The following TNR variants were observed in gnomAD, a reference collection of about 807,000 sequenced individuals.
TNR encodes tenascin R.
A neutral mutation model predicts 150.4 loss-of-function variants in TNR; 45 were observed. The observed-to-expected ratio is 0.30, with a 90% CI of 0.24 to 0.38. The LOEUF (loss-of-function observed/expected upper bound fraction) is 0.38, where lower values mean the gene tolerates loss of function less well. TNR is among the 10% of genes least tolerant of loss of function. The pLI, the probability that TNR is intolerant of heterozygous loss-of-function variation, is 1.00. For missense variants in TNR, 1,544 were observed against 1,759.1 expected, an observed-to-expected ratio of 0.88 and a Z score of 2.19; for synonymous variants, 687 against 678.4, an observed-to-expected ratio of 1.01 and a Z score of -0.20.
chr1:175,435,912 G>C (rs1167590221), intron 2 of TNR, among the ~76,000 whole-genome samples: 6 of 152,158 alleles, frequency 3.9e-5, no homozygotes, highest in Non-Finnish European at 4.4e-5. Context: ...AGTTTGGCTG[G>C]ATATGAAATT....
intron 20 of TNR, among the ~76,000 whole-genome samples, chr1:175,333,992 G>A (rs1322345771): frequency 6.6e-6 from 1 of 152,210 alleles, no homozygotes; most frequent in Non-Finnish European, 1.5e-5. Context: ...GAGCAGGTGA[G>A]GTACTTAGGG....
In TNR at chr1:175,386,206, G is replaced by C; in HGVS notation, c.1603C>G (p.Leu535Val). 1 of 1,611,992 alleles carries C rather than the reference G, an allele frequency of 6.2e-7. No homozygotes were observed. Among genetic ancestry groups the C allele is most frequent in the Non-Finnish European group, 8.5e-7 (1 of 1,178,496 alleles). ...CCGCCCACCAGGCCATATTTCAAAA[G>C]AATGAAATCGACTTTGGCTCGAGGG... ...IPPRAKVDFI[L>V]LKYGLVGGEG... The change falls in exon 8 of 23, where the codon CTT (leucine) becomes GTT (valine). Residue 535 changes from leucine (L) to valine (V), a missense_variant. Physicochemically the swap from Leu to Val is conservative, Grantham distance 32. Coordinates refer to ENST00000367674, the MANE Select transcript of TNR (RefSeq NM_003285.3).
intron 1 of TNR, among the ~76,000 whole-genome samples, chr1:175,703,637 A>C (rs1666763645): frequency 6.6e-6 from 1 of 152,250 alleles, no homozygotes; most frequent in South Asian, 2.1e-4. Context: ...ACTAATCAAT[A>C]AACCACCCAA....
At chr1:175,655,209 C>T (rs1486289945) in intron 1 of TNR, among the ~76,000 whole-genome samples, 1 of 152,112 alleles carries the variant, frequency 6.6e-6, no homozygotes, top group Non-Finnish European at 1.5e-5. Flanking sequence ...CAACATGTAC[C>T]CACAAATGTT....
At chr1:175,416,661 T>G (rs1455115324) in intron 2 of TNR, among the ~76,000 whole-genome samples, 1 of 152,190 alleles carries the variant, frequency 6.6e-6, no homozygotes, top group Non-Finnish European at 1.5e-5. Context: ...CCCAAGTTGA[T>G]GGTTTCTGTT....
At chr1:175,677,339 C>T (rs1010976643) in intron 1 of TNR, among the ~76,000 whole-genome samples, 2 of 152,176 alleles carry the variant, frequency 1.3e-5, no homozygotes, top group Admixed American at 1.3e-4. Flanking sequence ...CCCTCCATTG[C>T]CTCCTAGTGT....
chr1:175,660,962 G>A (rs1406060939), intron 1 of TNR, among the ~76,000 whole-genome samples: 1 of 152,174 alleles, frequency 6.6e-6, no homozygotes, highest in East Asian at 1.9e-4. Context: ...ATTAATGTCT[G>A]GCACCCACTG....
At chr1:175,713,012 G>T (rs1424928166) in intron 1 of TNR, among the ~76,000 whole-genome samples, 1 of 152,164 alleles carries the variant, frequency 6.6e-6, no homozygotes, top group African/African-American at 2.4e-5. Context: ...TGGTTGAGAT[G>T]GGGAGCACAG....
intron 1 of TNR, among the ~76,000 whole-genome samples, chr1:175,585,629 G>A (rs538621464): frequency 2.0e-5 from 3 of 152,136 alleles, no homozygotes; most frequent in Admixed American, 1.3e-4. Context: ...AAGACAGGAA[G>A]ACCTTAATAG....
chr1:175,437,805 A>G (rs1655581555), intron 2 of TNR, among the ~76,000 whole-genome samples: 1 of 152,210 alleles, frequency 6.6e-6, no homozygotes, highest in South Asian at 2.1e-4. Context: ...CTCGACACAT[A>G]CACCCTCCCA....
At chr1:175,687,467 A>T (rs1303031877) in intron 1 of TNR, among the ~76,000 whole-genome samples, 1 of 152,164 alleles carries the variant, frequency 6.6e-6, no homozygotes, top group Admixed American at 6.5e-5. Context: ...GAAAGGAAGC[A>T]TGCTATAATA....
chr1:175,647,646 C>T (rs1304918669), intron 1 of TNR, among the ~76,000 whole-genome samples: 1 of 152,118 alleles, frequency 6.6e-6, no homozygotes, highest in Non-Finnish European at 1.5e-5. Flanking sequence ...TGAAAATAGT[C>T]TTAACAGCAA....
intron 1 of TNR, among the ~76,000 whole-genome samples, chr1:175,627,333 GTTTATAAAACTTGTTCTCA>G (rs1262013026): frequency 6.6e-6 from 1 of 152,174 alleles, no homozygotes; most frequent in African/African-American, 2.4e-5. Flanking sequence ...TTAGATCAGA[GTTTATAAAACTTGTTCTCA>G]TTTATAAAAC....
intron 21 of TNR, 116 bp downstream of exon 21, chr1:175,329,958 A>G (rs1335549733): frequency 8.5e-7 from 1 of 1,172,198 alleles, no homozygotes; most frequent in Non-Finnish European, 1.2e-6. Flanking sequence ...CCTGGCCAGC[A>G]GCGAATGCTG....
chr1:175,648,588 C>T (rs1015518286), intron 1 of TNR, among the ~76,000 whole-genome samples: 1 of 152,156 alleles, frequency 6.6e-6, no homozygotes, highest in African/African-American at 2.4e-5. Flanking sequence ...CAATTCACTC[C>T]TTCTCAGTTC....
chr1:175,640,906 G>A (rs771670444), intron 1 of TNR, among the ~76,000 whole-genome samples: 9 of 151,916 alleles, frequency 5.9e-5, no homozygotes, highest in Admixed American at 6.6e-5. Context: ...CCAAATAGAA[G>A]TGCCTTGTAT....
intron 1 of TNR, among the ~76,000 whole-genome samples, chr1:175,672,387 G>C (rs1665730183): frequency 6.6e-6 from 1 of 152,166 alleles, no homozygotes; most frequent in Non-Finnish European, 1.5e-5. Flanking sequence ...GACAACTCAG[G>C]GACTGGGCCT....
chr1:175,586,463 G>A (rs968732170), intron 1 of TNR, among the ~76,000 whole-genome samples: 1 of 152,058 alleles, frequency 6.6e-6, no homozygotes, highest in Non-Finnish European at 1.5e-5. Context: ...ACCATGGCCG[G>A]CTAATTTTTG....
intron 2 of TNR, among the ~76,000 whole-genome samples, chr1:175,474,373 A>C (rs186323618): frequency 3.5e-4 from 53 of 152,314 alleles, no homozygotes; most frequent in African/African-American, 1.1e-3. Context: ...CCAGGGGTGC[A>C]TGTGCACAGT....
Sources: allele counts gnomAD v4.1 joint callset (sites outside exome capture counted in the v4.1 genomes callset), GRCh38; gene constraint gnomAD v4.1.1; transcripts MANE v1.5; gene names NCBI Gene and HGNC (gene_info 2026-07-23, HGNC 2026-07-21).